DUOX2: variants seen among roughly 807,000 people sequenced by gnomAD.
The protein encoded by DUOX2 is NADH/NADPH thyroid oxidase p138-tox.
In DUOX2, 185 loss-of-function variants were observed where a neutral mutation model predicts 183.3. The ratio of observed to expected loss-of-function variants is 1.01; its 90% CI spans 0.90 to 1.14. The LOEUF (loss-of-function observed/expected upper bound fraction) is 1.14. DUOX2 is among the 50% of genes most tolerant of loss of function. The probability of loss-of-function intolerance (pLI) is 0.00; values close to 1 mark genes in which losing one functional copy is unlikely to be tolerated. For missense variants in DUOX2, 1,999 were observed against 2,022.9 expected (o/e 0.99, Z 0.23); for synonymous variants, 788 against 812.4 (o/e 0.97, Z 0.51).
Position 45,112,612 on chromosome 15 carries a change from C to A in DUOX2, c.267G>T (p.Thr89=), listed in dbSNP as rs778723940. The change falls in exon 4 of 34, where the codon ACG becomes ACT. Residue 89 remains threonine, a synonymous_variant. Transcript: ENST00000389039. Reference sequence around the variant, plus strand: ...GCGACGGCAGGCCGGCTATGCCCCGCGTGGCTGCGTTGCTGAGCCGGCGCG... The same window carrying A: ...GCGACGGCAGGCCGGCTATGCCCCGAGTGGCTGCGTTGCTGAGCCGGCGCG... ...PNPRRLSNAA[T]RGIAGLPSLH... is the part of the protein sequence containing the mutation. 10 of 1,612,712 alleles carry A rather than the reference C, an allele frequency of 6.2e-6. No individual in the cohort carries two copies. Among genetic ancestry groups the A allele is most frequent in the African/African-American group, 1.3e-5 (1 of 74,922 alleles).
chr15:45,103,704 T>G (rs1595523393), intron 20 of DUOX2, among the ~76,000 whole-genome samples: 1 of 104,906 alleles, frequency 9.5e-6, no homozygotes, highest in African/African-American at 7.1e-5. Context: ...TGGTGTTGGG[T>G]TTTTTTTTTT....
intron 1 of DUOX2, 68 bp from the exon 2 acceptor site, chr15:45,113,493 C>T (rs1052297718): frequency 1.1e-5 from 13 of 1,227,132 alleles, no homozygotes; most frequent in Non-Finnish European, 1.5e-5. Flanking sequence ...TCTATGCCTC[C>T]CCTCTTGTTC....
intron 9 of DUOX2, 125 bp from the exon 10 acceptor site, chr15:45,110,105 C>T: frequency 2.3e-6 from 2 of 887,776 alleles, no homozygotes; most frequent in South Asian, 1.4e-5. Flanking sequence ...CTTCCTTGAA[C>T]ACGGCAGAGA....
Position 45,109,873 on chromosome 15 carries a change from C to A in DUOX2, c.1131+17G>T, listed in dbSNP as rs1894330970. ...TGACCTTGACCCATCTTCCCCTGAC[C>A]CTGACCCCAGTCTGACCTCCCGAAT... On this transcript the variant is annotated intron_variant, in intron 10 of 33. Coordinates refer to ENST00000389039, the MANE Select transcript of DUOX2 (RefSeq NM_001363711.2). 2 of 1,613,406 alleles carry A rather than the reference C, an allele frequency of 1.2e-6. No individual in the cohort carries two copies. Among genetic ancestry groups the A allele is most frequent in the Admixed American group, 1.7e-5 (1 of 60,018 alleles).
chr15:45,098,051 G>C lies in DUOX2; in HGVS notation c.3523C>G (p.Leu1175Val). 4 of 1,614,126 alleles carry C rather than the reference G, an allele frequency of 2.5e-6. No individual in the cohort carries two copies. The highest frequency in any genetic ancestry group is 3.4e-6 in the Non-Finnish European group (4 of 1,179,988). ...PNVFVNDGSK[L>V]PQKFYWWFFQ... is the part of the protein sequence containing the mutation. ...AACCACCAATAGAACTTCTGGGGAA[G>C]CTTGGACCTGGGGGGCAAAGGCACC... The change falls in exon 27 of 34, where the codon CTT becomes GTT. Residue 1175 changes from leucine to valine, a missense_variant. Physicochemically the swap from Leu to Val is conservative, Grantham distance 32. Around this residue, in one of 3 missense-constraint regions of DUOX2, gnomAD observed 1,628 missense variants for 1,608.6 expected, o/e 1.01. Coordinates refer to ENST00000389039, the MANE Select transcript of DUOX2 (RefSeq NM_001363711.2).
At chr15:45,101,713 C>T (rs913640767) in intron 21 of DUOX2, 80 bp downstream of exon 21, 5 of 1,588,646 alleles carry the variant, frequency 3.1e-6, no homozygotes, top group African/African-American at 1.3e-5. Flanking sequence ...AAGAGTAAGA[C>T]CTGGGTCCTG....
chr15:45,110,000 A>T lies in DUOX2; in HGVS notation c.1041-20T>A. ...GCATTTCTGAAATTGAGAACAAAGG[A>T]TGTGGTGAGGGAATTTGGAGAAGAA... On this transcript the variant is annotated intron_variant, in intron 9 of 33. Coordinates refer to ENST00000389039, the MANE Select transcript of DUOX2 (RefSeq NM_001363711.2). 1 of 1,611,240 alleles carries T rather than the reference A, an allele frequency of 6.2e-7. No individual in the cohort carries two copies. Among genetic ancestry groups the T allele is most frequent in the Non-Finnish European group, 8.5e-7 (1 of 1,177,454 alleles).
In DUOX2 at chr15:45,094,168, G is replaced by T. The variant is rs1472569322; in HGVS notation, c.4629C>A (p.His1543Gln). 2 of 1,614,140 alleles carry T rather than the reference G, an allele frequency of 1.2e-6. No individual in the cohort carries two copies. The highest frequency in any genetic ancestry group is 1.1e-5 in the South Asian group (1 of 91,078). The stretch of plus-strand genomic sequence containing the variant: ...GACAGGCTCAGAAGTTCTCATAGTG[G>T]TGCATGAAGTGGGCTCGGTCCTGCC... Reference protein sequence around the residue: ...VNRQDRAHFMHHYENF With the variant: ...VNRQDRAHFMQHYENF Residue 1543 changes from histidine (H) to glutamine (Q), a missense_variant, in exon 34 of 34, where the codon CAC becomes CAA. This residue lies in a region of DUOX2 where 1,628 missense variants were observed against 1,608.6 expected (regional missense o/e 1.01). Transcript: ENST00000389039.
intron 23 of DUOX2, chr15:45,100,455 T>C: frequency 1.6e-6 from 1 of 609,774 alleles, no homozygotes; most frequent in Non-Finnish European, 2.9e-6. Context: ...CTCCTGTCTG[T>C]TTTATCCTTC....
In DUOX2 at chr15:45,112,570, T is replaced by C; in HGVS notation, c.309A>G (p.Val103=). Residue 103 remains valine, a synonymous_variant, in exon 4 of 34, where the codon GTA becomes GTG. Transcript: ENST00000389039. ...TGCCCTCACCAAAGAAGACCCCCAG[T>C]ACGGTGCGGTTGTGGAGCGACGGCA... ...AGLPSLHNRT[V]LGVFFGYHVL... 6.2e-7 allele frequency: 1 copy of C among 1,613,054 alleles called. No homozygotes were observed. The highest frequency in any genetic ancestry group is 8.5e-7 in the Non-Finnish European group (1 of 1,179,728).
rs1894149813 is a variant in DUOX2 at position 45,104,046 on chromosome 15, T to C, written c.2568A>G (p.Pro856=). The C allele has an allele frequency of 1.2e-6, 2 of 1,614,040 alleles. No homozygotes were observed. The highest frequency in any genetic ancestry group is 1.7e-6 in the Non-Finnish European group (2 of 1,180,026). Residue 856 remains proline, a synonymous_variant, in exon 20 of 34, where the codon CCA becomes CCG. Transcript: ENST00000389039. ...TAAACATTAGACGGGACTTATCCTCTGGGGAGCCTGGGAAGAAAAAAGGGA... is the reference window on the plus strand; with the variant it reads ...TAAACATTAGACGGGACTTATCCTCCGGGGAGCCTGGGAAGAAAAAAGGGA... ...DILVVFMKGS[P]EDKSRLMFTM...
chr15:45,102,296 T>G (rs1192867020), intron 20 of DUOX2, among the ~76,000 whole-genome samples: 1 of 152,188 alleles, frequency 6.6e-6, no homozygotes, highest in African/African-American at 2.4e-5. Flanking sequence ...TGGCCCTCTC[T>G]CGTGGCAGGC....
intron 26 of DUOX2, 152 bp downstream of exon 26, chr15:45,099,231 C>T (rs1017108888): frequency 2.6e-5 from 16 of 625,448 alleles, no homozygotes; most frequent in South Asian, 9.6e-5. Context: ...AGGATGGTCT[C>T]GATCTCCTGA....
At chr15:45,106,483 C>G in intron 16 of DUOX2, 45 bp downstream of exon 16, 1 of 1,605,558 alleles carries the variant, frequency 6.2e-7, no homozygotes, top group South Asian at 1.1e-5. Flanking sequence ...TCCTGTCTCT[C>G]CCCTCCTCCG....
At position 45,104,243 on chromosome 15, in the gene DUOX2, G is replaced by A. The variant is rs1173152579; in HGVS notation, c.2457C>T (p.Pro819=). 13 of 1,613,944 alleles carry A rather than the reference G, an allele frequency of 8.1e-6. No homozygotes were observed. Among genetic ancestry groups the A allele is most frequent in the African/African-American group, 1.3e-5 (1 of 74,884 alleles). The part of the protein sequence containing the change: ...AEFAESLGLK[P]QDMFVESMFS... ...ACATGGACTCCACAAACATGTCCTG[G>A]GGCTTGAGGCCCAGGGACTCGGCAA... Residue 819 remains proline, a synonymous_variant, in exon 19 of 34, where the codon CCC becomes CCT. Coordinates refer to ENST00000389039, the MANE Select transcript of DUOX2 (RefSeq NM_001363711.2).
chr15:45,110,411 G>C lies in DUOX2; in HGVS notation c.1040+17C>G. The C allele has an allele frequency of 6.2e-7, 1 of 1,608,810 alleles. No individual in the cohort carries two copies. The highest frequency in any genetic ancestry group is 8.5e-7 in the Non-Finnish European group (1 of 1,176,140). On this transcript the variant is annotated intron_variant, in intron 9 of 33. Coordinates refer to ENST00000389039, the MANE Select transcript of DUOX2 (RefSeq NM_001363711.2). ...CTTTCTTAGTGTGGTGCCCCTCTCT[G>C]CCAACCCCTCCCTCACCTCATGTAG...
rs780926211 is a variant in DUOX2, at chr15:45,111,418, G to T, written c.681C>A (p.Pro227=). 1.3e-6 allele frequency: 2 copies of T among 1,499,098 alleles called. No homozygotes were observed. The highest frequency in any genetic ancestry group is 1.8e-6 in the Non-Finnish European group (2 of 1,125,466). The allele number at this position is 1,499,098 out of a possible 1,614,324, so 92.9% of individuals were successfully genotyped here. ...NPLLMWAAPD[P]ATGQNGPRGL... is the part of the protein sequence containing the mutation. The stretch of plus-strand genomic sequence containing the variant: ...CCCGGGGCCCGTTCTGCCCGGTGGC[G>T]GGGTCGGGCGCCGCCCACATGAGCA... Residue 227 remains proline (P), a synonymous_variant, in exon 6 of 34, where the codon CCC becomes CCA. Coordinates refer to ENST00000389039, the MANE Select transcript of DUOX2 (RefSeq NM_001363711.2).
In DUOX2 at chr15:45,113,403, A is replaced by C. The variant is rs763920832; in HGVS notation, c.9T>G (p.Arg3=). 1 of 1,563,378 alleles carries C rather than the reference A, an allele frequency of 6.4e-7. No individual in the cohort carries two copies. Among genetic ancestry groups the C allele is most frequent in the Non-Finnish European group, 8.7e-7 (1 of 1,152,810 alleles). The change falls in exon 2 of 34, where the codon CGT becomes CGG. Residue 3 remains arginine (R), a synonymous_variant. Coordinates refer to ENST00000389039, the MANE Select transcript of DUOX2 (RefSeq NM_001363711.2). ...GGAGCATCAGTGCCTCTGGTCTTGC[A>C]CGGAGCATGCCAACCCTGCAGCCTG... ML[R]ARPEALMLLG... is the part of the protein sequence containing the mutation.
At position 45,107,470 on chromosome 15, in the gene DUOX2, T is replaced by C. The variant is rs1242670846; in HGVS notation, c.1575-7A>G. On this transcript the variant is annotated splice_region_variant and splice_polypyrimidine_tract_variant and intron_variant, in intron 13 of 33. Coordinates refer to ENST00000389039, the MANE Select transcript of DUOX2 (RefSeq NM_001363711.2). ...CTCCTTCTTGGAGAACAGCCTAAGTTGGAGGAAGTAGAAGTCACTGGGATG... is the reference window on the plus strand; with the variant it reads ...CTCCTTCTTGGAGAACAGCCTAAGTCGGAGGAAGTAGAAGTCACTGGGATG... 7.4e-6 allele frequency: 12 copies of C among 1,613,676 alleles called. No homozygotes were observed. In the South Asian group the frequency reaches 1.2e-4, roughly 16 times the overall value.
Sources: allele counts gnomAD v4.1 joint callset (sites outside exome capture counted in the v4.1 genomes callset), GRCh38; gene constraint gnomAD v4.1.1; regional missense constraint gnomAD v4.1.1; transcripts MANE v1.5; gene names NCBI Gene and HGNC (gene_info 2026-07-23, HGNC 2026-07-21).